Variants in MTHFD2L observed in about 807,000 individuals in gnomAD.
The protein encoded by MTHFD2L is bifunctional methylenetetrahydrofolate dehydrogenase/cyclohydrolase 2, mitochondrial.
Under a neutral mutation model 34.9 loss-of-function variants are expected in MTHFD2L, and 29 were observed. The observed-to-expected ratio is 0.83, with a 90% CI of 0.62 to 1.13. The LOEUF is 1.13. Ranked by LOEUF, MTHFD2L falls within the 50% of genes most tolerant of loss-of-function variation. The probability of loss-of-function intolerance (pLI) is 0.00; values close to 1 mark genes in which losing one functional copy is unlikely to be tolerated. For synonymous variants in MTHFD2L, 167 were observed against 155.7 expected, an observed-to-expected ratio of 1.07 and a Z score of -0.54; for missense variants, 481 against 446.5, an observed-to-expected ratio of 1.08 and a Z score of -0.70.
Position 74,201,295 on chromosome 4 carries a change from G to T in MTHFD2L, c.637G>T (p.Ala213Ser). The change falls in exon 5 of 8, where the codon GCT (alanine) becomes TCT (serine). Residue 213 changes from alanine (A) to serine (S), a missense_variant. Transcript: ENST00000325278. ...IQTFGKNVVV[A>S]GRSKNVGMPI... Reference sequence around the variant, plus strand: ...AACATTTGGAAAAAATGTGGTTGTGGCTGGAAGATCCAAGAACGTAGGGAT... The same window carrying T: ...AACATTTGGAAAAAATGTGGTTGTGTCTGGAAGATCCAAGAACGTAGGGAT... 6.2e-7 allele frequency: 1 copy of T among 1,613,612 alleles called. No individual in the cohort carries two copies. Among genetic ancestry groups the T allele is most frequent in the East Asian group, 2.2e-5 (1 of 44,842 alleles).
At chr4:74,139,303 G>T (rs1359821520) in intron 1 of MTHFD2L, among the ~76,000 whole-genome samples, 1 of 152,144 alleles carries the variant, frequency 6.6e-6, no homozygotes, top group African/African-American at 2.4e-5. Flanking sequence ...GGGAACCTAT[G>T]GATGGTACTT....
chr4:74,298,204 G>T (rs559973016), intron 7 of MTHFD2L, among the ~76,000 whole-genome samples: 1 of 152,082 alleles, frequency 6.6e-6, no homozygotes, highest in South Asian at 2.1e-4. Flanking sequence ...TAATAACCAG[G>T]TGTGTTTACA....
At chr4:74,268,759 T>A (rs1025048470) in intron 6 of MTHFD2L, among the ~76,000 whole-genome samples, 9 of 152,148 alleles carry the variant, frequency 5.9e-5, no homozygotes, top group Non-Finnish European at 8.8e-5. Context: ...AATACACATA[T>A]GAAAATATCC....
At position 74,225,317 on chromosome 4, in the gene MTHFD2L, C is replaced by G; in HGVS notation, c.728C>G (p.Thr243Arg). The change falls in exon 6 of 8, where the codon ACA becomes AGA. Residue 243 changes from threonine (T) to arginine (R), a missense_variant. By Grantham distance (71) the Thr-to-Arg change is moderately conservative. Transcript: ENST00000325278. ...TGTATTCCAGGTGATGCAACTGTGACAATAGCTCACAGATACACCCCCAAA... is the reference window on the plus strand; with the variant it reads ...TGTATTCCAGGTGATGCAACTGTGAGAATAGCTCACAGATACACCCCCAAA... ...HERPGGDATV[T>R]IAHRYTPKEQ... is the part of the protein sequence containing the mutation. The G allele has an allele frequency of 6.2e-7, 1 of 1,612,128 alleles. No homozygotes were observed. The highest frequency in any genetic ancestry group is 8.5e-7 in the Non-Finnish European group (1 of 1,178,710).
intron 4 of MTHFD2L, among the ~76,000 whole-genome samples, chr4:74,200,942 CT>C (rs935277993): frequency 6.6e-6 from 1 of 152,100 alleles, no homozygotes; most frequent in African/African-American, 2.4e-5. Context: ...TTGTACTTTG[CT>C]TTTTTTATAA....
At chr4:74,237,157 C>G (rs933926175) in intron 6 of MTHFD2L, among the ~76,000 whole-genome samples, 1 of 152,250 alleles carries the variant, frequency 6.6e-6, no homozygotes, top group South Asian at 2.1e-4. Flanking sequence ...AAGAAAGGAT[C>G]TACATGACAT....
intron 6 of MTHFD2L, among the ~76,000 whole-genome samples, chr4:74,233,547 G>T (rs1206932840): frequency 6.6e-6 from 1 of 151,852 alleles, no homozygotes; most frequent in African/African-American, 2.4e-5. Context: ...AGCTCCTATT[G>T]TGTGGTGAGC....
intron 3 of MTHFD2L, among the ~76,000 whole-genome samples, chr4:74,187,393 C>A (rs1456587201): frequency 6.6e-6 from 1 of 152,102 alleles, no homozygotes; most frequent in Admixed American, 6.5e-5. Context: ...TTGAAATAAT[C>A]ATTGCTGAAA....
Position 74,193,789 on chromosome 4 carries a change from T to G in MTHFD2L, c.452-6005T>G, listed in dbSNP as rs145821156. On this transcript the variant is annotated intron_variant, in intron 3 of 7. Coordinates refer to ENST00000325278, the MANE Select transcript of MTHFD2L (RefSeq NM_001144978.3). ...ACTTTGTAATCTTGCTTAATTCACTTTATTAGTTCTATTAATTGTTTTATA... is the reference window on the plus strand; with the variant it reads ...ACTTTGTAATCTTGCTTAATTCACTGTATTAGTTCTATTAATTGTTTTATA... Among the ~76,000 whole-genome samples, 921 of 152,332 alleles carry G rather than the reference T, an allele frequency of 6.0e-3. 7 individuals are homozygous for G. Among genetic ancestry groups the G allele is most frequent in the African/African-American group, 0.021 (869 of 41,584 alleles).
chr4:74,266,200 G>C (rs1044402984), intron 6 of MTHFD2L, among the ~76,000 whole-genome samples: 3 of 152,142 alleles, frequency 2.0e-5, no homozygotes, highest in Non-Finnish European at 4.4e-5. Context: ...TGTTGTTCCA[G>C]AGGTTTCATA....
chr4:74,278,978 C>T (rs544700132), intron 6 of MTHFD2L, among the ~76,000 whole-genome samples: 1 of 152,096 alleles, frequency 6.6e-6, no homozygotes, highest in Non-Finnish European at 1.5e-5. Context: ...CTACCTATGA[C>T]TCTACCAATA....
At chr4:74,207,766 C>CTTTTTTTTTTTTTTTTTTTTT (rs768932793) in intron 5 of MTHFD2L, among the ~76,000 whole-genome samples, 2 of 128,476 alleles carry the variant, frequency 1.6e-5, no homozygotes, top group African/African-American at 3.1e-5. Flanking sequence ...TGAAAAAGAA[C>CTTTTTTTTTTTTTTTTTTTTT]TTTTTTTTTT....
upstream of MTHFD2L, among the ~76,000 whole-genome samples, chr4:74,119,900 A>G (rs1422605332): frequency 6.6e-6 from 1 of 152,224 alleles, no homozygotes; most frequent in African/African-American, 2.4e-5. Context: ...TGGCTATGCA[A>G]TGAAGCCATG....
At chr4:74,283,478 A>T (rs1232163793) in intron 7 of MTHFD2L, among the ~76,000 whole-genome samples, 1 of 152,100 alleles carries the variant, frequency 6.6e-6, no homozygotes. Flanking sequence ...TGGAAAAGAG[A>T]CAAAGATATG....
At chr4:74,254,995 C>G (rs1429428671) in intron 6 of MTHFD2L, among the ~76,000 whole-genome samples, 1 of 151,634 alleles carries the variant, frequency 6.6e-6, no homozygotes, top group African/African-American at 2.4e-5. Context: ...ATTAGCCAAG[C>G]ATGGTGGCAG....
At chr4:74,231,137 G>A (rs1739987127) in intron 6 of MTHFD2L, among the ~76,000 whole-genome samples, 1 of 152,004 alleles carries the variant, frequency 6.6e-6, no homozygotes, top group Admixed American at 6.6e-5. Context: ...ATATAAAACA[G>A]GATAAATGGG....
At chr4:74,120,553 A>G (rs955293553), upstream of MTHFD2L, among the ~76,000 whole-genome samples, 8 of 152,200 alleles carry the variant, frequency 5.3e-5, no homozygotes, top group African/African-American at 1.9e-4. Flanking sequence ...TACTTGGGTC[A>G]ATGAGGTCAC....
upstream of MTHFD2L, among the ~76,000 whole-genome samples, chr4:74,125,168 G>A (rs1721983671): frequency 6.6e-6 from 1 of 152,102 alleles, no homozygotes; most frequent in African/African-American, 2.4e-5. Flanking sequence ...TTTGAAATAG[G>A]AATTAGCATG....
At position 74,175,315 on chromosome 4, in the gene MTHFD2L, T is replaced by C; in HGVS notation, c.363T>C (p.Asp121=). The stretch of plus-strand genomic sequence containing the variant: ...GTGAGCTCATTCTAAAACCTAAGGA[T>C]GTTTCTCAGGAAGAACTTTTGGACG... ...ICSELILKPK[D]VSQEELLDVT... is the part of the protein sequence containing the mutation. Residue 121 remains aspartate, a synonymous_variant, in exon 3 of 8, where the codon GAT becomes GAC. Coordinates refer to ENST00000325278, the MANE Select transcript of MTHFD2L (RefSeq NM_001144978.3). 1 of 1,613,304 alleles carries C rather than the reference T, an allele frequency of 6.2e-7. No individual in the cohort carries two copies. Among genetic ancestry groups the C allele is most frequent in the Non-Finnish European group, 8.5e-7 (1 of 1,179,446 alleles).
Sources: gnomAD v4.1 joint callset for allele counts (sites outside exome capture counted in the v4.1 genomes callset) on GRCh38, gnomAD v4.1.1 for gene constraint, MANE v1.5 for transcripts, NCBI Gene and HGNC (gene_info 2026-07-23, HGNC 2026-07-21) for gene names.